VWA5B2: variants seen among roughly 807,000 people sequenced by gnomAD.
VWA5B2 encodes the protein von Willebrand factor A domain containing 5B2, also known as von Willebrand factor A domain-containing protein 5B2.
Under a neutral mutation model 118.5 loss-of-function variants are expected in VWA5B2, and 93 were observed. The observed-to-expected ratio is 0.79, with a 90% CI of 0.66 to 0.93. VWA5B2 has a LOEUF of 0.93. Ranked by LOEUF, VWA5B2 falls within the 40% of genes least tolerant of loss-of-function variation. The pLI is 0.00. For missense variants in VWA5B2, 1,546 were observed against 1,672.8 expected (o/e 0.92, Z 1.32); for synonymous variants, 708 against 716.3 (o/e 0.99, Z 0.19).
In VWA5B2 at chr3:184,234,419, T is replaced by C. The variant is rs1051834314; in HGVS notation, c.820+22T>C. On this transcript the variant is annotated intron_variant, in intron 6 of 19. Coordinates refer to ENST00000691901, the MANE Select transcript of VWA5B2 (RefSeq NM_001390846.1). Reference sequence around the variant, plus strand: ...AGTGGTGAGAGACTGGGACACACCGTGGGCCGGCTCTGACCTGCTTCTACA... The same window carrying C: ...AGTGGTGAGAGACTGGGACACACCGCGGGCCGGCTCTGACCTGCTTCTACA... 3.2e-6 allele frequency: 5 copies of C among 1,551,270 alleles called. No homozygotes were observed. In the African/African-American group the frequency reaches 6.8e-5, roughly 21 times the overall value.
chr3:184,230,414 C>G lies in VWA5B2; in HGVS notation c.-115C>G, dbSNP rs1717258849. ...CTCGGCCTCGCGCCCCGGCAGGCCC[C>G]GTCCGGGTGCTGGAGTGAGACTCTC... On this transcript the variant is annotated 5_prime_UTR_variant, in exon 2 of 20. Coordinates refer to ENST00000691901, the MANE Select transcript of VWA5B2 (RefSeq NM_001390846.1). The G allele has an allele frequency of 1.6e-6, 2 of 1,238,238 alleles. No homozygotes were observed. Among genetic ancestry groups the G allele is most frequent in the Non-Finnish European group, 2.1e-6 (2 of 968,356 alleles). 76.7% of individuals were successfully genotyped at this position (1,238,238 alleles called of 1,614,324 possible).
In VWA5B2 at chr3:184,236,151, G is replaced by A; in HGVS notation, c.1102-1G>A. The A allele has an allele frequency of 6.4e-7, 1 of 1,551,264 alleles. No homozygotes were observed. Among genetic ancestry groups the A allele is most frequent in the Non-Finnish European group, 8.7e-7 (1 of 1,146,956 alleles). On this transcript the variant is annotated splice_acceptor_variant, in intron 8 of 19. Transcript: ENST00000691901. LOFTEE classifies it high-confidence loss of function. ...ACGCCGCCCTCCCTGGCCCTCCACA[G>A]GATGCCATTGTTTTGGCTGTGAAGT...
Position 184,238,739 on chromosome 3 carries a change from C to G in VWA5B2, c.2068C>G (p.Gln690Glu). The G allele has an allele frequency of 6.4e-7, 1 of 1,550,948 alleles. No individual in the cohort carries two copies. Among genetic ancestry groups the G allele is most frequent in the Non-Finnish European group, 8.7e-7 (1 of 1,146,964 alleles). The part of the protein sequence containing the change: ...STGSSESPGS[Q>E]GPGSPEGSAP... ...AGGCAGCAGTGAGTCCCCAGGCTCA[C>G]AGGGCCCTGGCTCCCCCGAAGGTAG... is the stretch of plus-strand genomic sequence containing the variant. The change falls in exon 14 of 20, where the codon CAG becomes GAG. Residue 690 changes from glutamine to glutamate, a missense_variant. Around this residue, in one of 3 missense-constraint regions of VWA5B2, gnomAD observed 763 missense variants for 766.6 expected, o/e 1.00. Coordinates refer to ENST00000691901, the MANE Select transcript of VWA5B2 (RefSeq NM_001390846.1). The surrounding 1 kb of genome is among the most constrained non-coding windows in gnomAD (Gnocchi z 5.0).
chr3:184,233,855 C>T lies in VWA5B2; in HGVS notation c.688+122C>T. On this transcript the variant is annotated intron_variant, in intron 5 of 19. Coordinates refer to ENST00000691901, the MANE Select transcript of VWA5B2 (RefSeq NM_001390846.1). The surrounding 1 kb of genome is among the most constrained non-coding windows in gnomAD (Gnocchi z 5.2). ...AGGACAAAAAGACAGGGACCCCAGC[C>T]TCCGGAACATCTGGGTTAGTGGTGG... 2 of 1,350,922 alleles carry T rather than the reference C, an allele frequency of 1.5e-6. No homozygotes were observed. Among genetic ancestry groups the T allele is most frequent in the Non-Finnish European group, 2.0e-6 (2 of 1,008,286 alleles). 83.7% of individuals were successfully genotyped at this position (1,350,922 alleles called of 1,614,324 possible).
Position 184,236,235 on chromosome 3 carries a change from C to G in VWA5B2, c.1185C>G (p.Leu395=), listed in dbSNP as rs757211101. 42 of 1,551,800 alleles carry G rather than the reference C, an allele frequency of 2.7e-5. No homozygotes were observed. The Middle Eastern group carries it at 6.7e-4, about 25-fold the overall frequency. ...LAVFGTLVQP[L]FPESRPCSDD... is the part of the protein sequence containing the mutation. ...TGTTTGGGACGTTGGTGCAGCCACTCTTCCCAGAGAGCCGGCCTTGCAGTG... is the reference window on the plus strand; with the variant it reads ...TGTTTGGGACGTTGGTGCAGCCACTGTTCCCAGAGAGCCGGCCTTGCAGTG... Residue 395 remains leucine, a synonymous_variant, in exon 9 of 20, where the codon CTC becomes CTG. Transcript: ENST00000691901.
intron 5 of VWA5B2, among the ~76,000 whole-genome samples, chr3:184,234,019 T>C (rs1341658168): frequency 6.6e-6 from 1 of 152,166 alleles, no homozygotes; most frequent in African/African-American, 2.4e-5. Flanking sequence ...AGGTTTTCCT[T>C]ACACAGAAGG....
rs757644289 is a variant in VWA5B2 at position 184,241,494 on chromosome 3, G to A, written c.3185G>A (p.Arg1062Gln). 2.0e-5 allele frequency: 31 copies of A among 1,551,718 alleles called. No individual in the cohort carries two copies. The South Asian group carries it at 3.3e-4, about 17-fold the overall frequency. Residue 1062 changes from arginine to glutamine, a missense_variant, in exon 20 of 20, where the codon CGG becomes CAG. Arg to Gln is a conservative substitution (Grantham distance 43, BLOSUM62 1). Transcript: ENST00000691901. The surrounding 1 kb of genome is among the most constrained non-coding windows in gnomAD (Gnocchi z 5.1). ...GSDHDYLPLV[R>Q]LQEAPGSFRL... ...CCCCACCTCCTCTCTCCTCAGGTGC[G>A]GCTGCAGGAGGCACCAGGCTCCTTC... is the stretch of plus-strand genomic sequence containing the variant.
chr3:184,233,215 G>A lies in VWA5B2; in HGVS notation c.348G>A (p.Thr116=), dbSNP rs1041787324. Residue 116 remains threonine, a synonymous_variant, in exon 4 of 20, where the codon ACG becomes ACA. Transcript: ENST00000691901. This position sits in a 1 kb window ranked among gnomAD's most constrained non-coding sequence, Gnocchi z 5.2. The part of the protein sequence containing the change: ...LVLDLAQARS[T]LVLPTGIIAA... ...TGGATCTGGCCCAGGCCCGGTCCAC[G>A]TTGGTGCTGCCCACAGGCATTATCG... The A allele has an allele frequency of 1.4e-5, 22 of 1,550,840 alleles. No individual in the cohort carries two copies. Among genetic ancestry groups the A allele is most frequent in the African/African-American group, 4.1e-5 (3 of 73,052 alleles).
rs772023265 is a variant in VWA5B2, at chr3:184,240,788, C to G, written c.2741-3C>G. 62 of 1,550,286 alleles carry G rather than the reference C, an allele frequency of 4.0e-5. No homozygotes were observed. The highest frequency in any genetic ancestry group is 5.2e-5 in the Non-Finnish European group (60 of 1,146,870). On this transcript the variant is annotated splice_region_variant and splice_polypyrimidine_tract_variant and intron_variant, in intron 16 of 19. Coordinates refer to ENST00000691901, the MANE Select transcript of VWA5B2 (RefSeq NM_001390846.1). Reference sequence around the variant, plus strand: ...CTCCACAGACTGCTCCTTGGTTCCACAGGCCATGCCCGGAGGTGCTGGCTT... The same window carrying G: ...CTCCACAGACTGCTCCTTGGTTCCAGAGGCCATGCCCGGAGGTGCTGGCTT...
Position 184,237,539 on chromosome 3 carries a change from C to A in VWA5B2, c.1719+128C>A. On this transcript the variant is annotated intron_variant, in intron 12 of 19. Transcript: ENST00000691901. This position sits in a 1 kb window ranked among gnomAD's most constrained non-coding sequence, Gnocchi z 5.6. ...TGCCTCTCTCTACCAAGCTTCTCTA[C>A]TATCCCCTAGGACTCCACAGAGATC... is the stretch of plus-strand genomic sequence containing the variant. The A allele has an allele frequency of 9.6e-7, 1 of 1,044,290 alleles. No individual in the cohort carries two copies. The highest frequency in any genetic ancestry group is 1.4e-6 in the Non-Finnish European group (1 of 731,342). 64.7% of individuals were successfully genotyped at this position (1,044,290 alleles called of 1,614,324 possible). A position where few individuals can be genotyped will look rare whatever the true frequency, so the allele number is the denominator to read the frequency against.
chr3:184,240,316 C>T (rs547892548), intron 16 of VWA5B2: 3 of 402,854 alleles, frequency 7.4e-6, no homozygotes, highest in Admixed American at 8.1e-5. Context: ...GCACAGAGGG[C>T]AACGTGATCC....
rs771673603 is a variant in VWA5B2 at position 184,236,401 on chromosome 3, C to T, written c.1271C>T (p.Pro424Leu). The part of the protein sequence containing the change: ...IETLQVPSGP[P>L]DVLAALDWAV... ...ACCCTGCAGGTTCCGAGTGGGCCCC[C>T]AGACGTGCTGGCTGCTCTGGACTGG... is the stretch of plus-strand genomic sequence containing the variant. The change falls in exon 10 of 20, where the codon CCA becomes CTA. Residue 424 changes from proline (P) to leucine (L), a missense_variant. Physicochemically the swap from Pro to Leu is moderately conservative, Grantham distance 98. Coordinates refer to ENST00000691901, the MANE Select transcript of VWA5B2 (RefSeq NM_001390846.1). The T allele has an allele frequency of 2.1e-5, 32 of 1,546,104 alleles. No individual in the cohort carries two copies. The highest frequency in any genetic ancestry group is 2.5e-5 in the Non-Finnish European group (29 of 1,144,526).
At position 184,233,366 on chromosome 3, in the gene VWA5B2, C is replaced by A. The variant is rs771882337; in HGVS notation, c.499C>A (p.Pro167Thr). The A allele has an allele frequency of 6.5e-7, 1 of 1,536,626 alleles. No individual in the cohort carries two copies. The highest frequency in any genetic ancestry group is 1.2e-5 in the South Asian group (1 of 82,322). Residue 167 changes from proline (P) to threonine (T), a missense_variant, in exon 4 of 20, where the codon CCC (proline) becomes ACC (threonine). Physicochemically the swap from Pro to Thr is conservative, Grantham distance 38. Around this residue, in one of 3 missense-constraint regions of VWA5B2, gnomAD observed 775 missense variants for 882.3 expected, o/e 0.88. Transcript: ENST00000691901. The surrounding 1 kb of genome is among the most constrained non-coding windows in gnomAD (Gnocchi z 5.2). ...GCTGGCCCCGCCAGGCCCGCCGGGG[C>A]CCCCCAGGCCTCCGGGGCTCTGTGA... ...TPLAPPGPPG[P>T]PRPPGLCDDS...
Position 184,237,366 on chromosome 3 carries a change from C to A in VWA5B2, c.1674C>A (p.Tyr558Ter). 6.4e-7 allele frequency: 1 copy of A among 1,551,216 alleles called. No individual in the cohort carries two copies. Among genetic ancestry groups the A allele is most frequent in the Admixed American group, 2.0e-5 (1 of 50,998 alleles). ...ACCCTGGGGACCAGCTGCTCGGTTACTGCTCACTCTTCAGGGTGGATGGCT... is the reference window on the plus strand; with the variant it reads ...ACCCTGGGGACCAGCTGCTCGGTTAATGCTCACTCTTCAGGGTGGATGGCT... ...ALYPGDQLLG[Y>*]CSLFRVDGFR... Residue 558 changes from tyrosine (Y) to a stop codon, truncating the protein, a stop_gained, in exon 12 of 20, where the codon TAC becomes TAA. Coordinates refer to ENST00000691901, the MANE Select transcript of VWA5B2 (RefSeq NM_001390846.1). LOFTEE classifies it high-confidence loss of function. The surrounding 1 kb of genome is among the most constrained non-coding windows in gnomAD (Gnocchi z 5.6).
Position 184,234,417 on chromosome 3 carries a change from C to T in VWA5B2, c.820+20C>T, listed in dbSNP as rs933397608. 2.3e-5 allele frequency: 35 copies of T among 1,551,380 alleles called. No individual in the cohort carries two copies. The highest frequency in any genetic ancestry group is 1.4e-4 in the African/African-American group (10 of 73,178). ...CCAGTGGTGAGAGACTGGGACACAC[C>T]GTGGGCCGGCTCTGACCTGCTTCTA... On this transcript the variant is annotated intron_variant, in intron 6 of 19. Transcript: ENST00000691901.
At position 184,236,281 on chromosome 3, in the gene VWA5B2, T is replaced by C; in HGVS notation, c.1212+19T>C. ...CAGTGATGTGAGTGTGGTCCAGGGATCTGGGGGCCTTACAGAGAGGTTTCA... is the reference window on the plus strand; with the variant it reads ...CAGTGATGTGAGTGTGGTCCAGGGACCTGGGGGCCTTACAGAGAGGTTTCA... On this transcript the variant is annotated intron_variant, in intron 9 of 19. Coordinates refer to ENST00000691901, the MANE Select transcript of VWA5B2 (RefSeq NM_001390846.1). 1 of 1,551,676 alleles carries C rather than the reference T, an allele frequency of 6.4e-7. No homozygotes were observed. The highest frequency in any genetic ancestry group is 8.7e-7 in the Non-Finnish European group (1 of 1,146,940).
Position 184,240,000 on chromosome 3 carries a change from G to A in VWA5B2, c.2704G>A (p.Ala902Thr), listed in dbSNP as rs1718407395. The change falls in exon 16 of 20, where the codon GCC (alanine) becomes ACC (threonine). Residue 902 changes from alanine (A) to threonine (T), a missense_variant. Coordinates refer to ENST00000691901, the MANE Select transcript of VWA5B2 (RefSeq NM_001390846.1). The surrounding 1 kb of genome is among the most constrained non-coding windows in gnomAD (Gnocchi z 5.1). ...ASVVRDNEQL[A>T]LRGGAETTAD... ...TGTGGTCCGGGACAATGAGCAGCTG[G>A]CCCTCCGAGGAGGGGCAGAGACCAC... The A allele has an allele frequency of 6.5e-7, 1 of 1,549,034 alleles. No individual in the cohort carries two copies. The highest frequency in any genetic ancestry group is 1.4e-5 in the African/African-American group (1 of 73,104).
At chr3:184,234,131 C>T in intron 5 of VWA5B2, 135 bp from the exon 6 acceptor site, 1 of 1,160,694 alleles carries the variant, frequency 8.6e-7, no homozygotes, top group East Asian at 2.6e-5. Flanking sequence ...GCAGGCACAT[C>T]CTCCCTCGTC....
Position 184,237,159 on chromosome 3 carries a change from T to C in VWA5B2, c.1534-67T>C. ...GATGGCATCAGGGGAAGGGCAGCCT[T>C]CCTGCTCTGTCTGGCCGTATGACAC... On this transcript the variant is annotated intron_variant, in intron 11 of 19. Transcript: ENST00000691901. The surrounding 1 kb of genome is among the most constrained non-coding windows in gnomAD (Gnocchi z 5.6). 6.6e-7 allele frequency: 1 copy of C among 1,506,138 alleles called. No individual in the cohort carries two copies. The highest frequency in any genetic ancestry group is 8.9e-7 in the Non-Finnish European group (1 of 1,118,734). The allele number at this position is 1,506,138 out of a possible 1,614,324, so 93.3% of individuals were successfully genotyped here.
Sources: allele counts gnomAD v4.1 joint callset (sites outside exome capture counted in the v4.1 genomes callset), GRCh38; gene constraint gnomAD v4.1.1; regional missense constraint gnomAD v4.1.1; non-coding constraint Gnocchi (gnomAD v3.1); transcripts MANE v1.5; gene names NCBI Gene and HGNC (gene_info 2026-07-23, HGNC 2026-07-21).